UBR2: variants seen among roughly 807,000 people sequenced by gnomAD.
UBR2 encodes ubiquitin protein ligase E3 component n-recognin 2, also known as E3 ubiquitin-protein ligase UBR2.
In UBR2, 92 loss-of-function variants were observed where a neutral mutation model predicts 247.9. The observed-to-expected ratio is 0.37, with a 90% CI of 0.31 to 0.44. The LOEUF (loss-of-function observed/expected upper bound fraction) is 0.44. Ranked by LOEUF, UBR2 falls within the 20% of genes least tolerant of loss-of-function variation. UBR2 has a pLI of 1.00. For synonymous variants in UBR2, 672 were observed against 693.5 expected (o/e 0.97, Z 0.49); for missense variants, 1,613 against 2,112.6 (o/e 0.76, Z 4.64).
In UBR2 at chr6:42,691,144, C is replaced by T. The variant is rs775735507; in HGVS notation, c.5239C>T (p.Leu1747=). 1 of 1,614,164 alleles carries T rather than the reference C, an allele frequency of 6.2e-7. No homozygotes were observed. The highest frequency in any genetic ancestry group is 8.5e-7 in the Non-Finnish European group (1 of 1,180,032). The part of the protein sequence containing the change: ...IGHAQEANQT[L]VGIDWQHL ...ACATGCACAGGAAGCCAATCAGACA[C>T]TGGTTGGCATTGACTGGCAACATTT... is the stretch of plus-strand genomic sequence containing the variant. The change falls in exon 47 of 47, where the codon CTG becomes TTG. Residue 1747 remains leucine, a synonymous_variant. Transcript: ENST00000372901.
chr6:42,667,704 A>ATTT lies in UBR2; in HGVS notation c.3881+1472_3881+1474dup, dbSNP rs528646455. Reference sequence around the variant, plus strand: ...TTTTTCATGTACTTGTTTTCTATGTATTTTTTTTTTTTTTTCTGAATGGTG... The same window carrying ATTT: ...TTTTTCATGTACTTGTTTTCTATGTATTTTTTTTTTTTTTTTTTCTGAATGGTG... On this transcript the variant is annotated intron_variant, in intron 34 of 46. Transcript: ENST00000372901. 2.8e-3 allele frequency among the ~76,000 whole-genome samples: 200 copies of ATTT among 70,336 alleles called. 2 individuals carry two copies. Among genetic ancestry groups the ATTT allele is most frequent in the Middle Eastern group, 0.014 (1 of 74 alleles). 46.1% of individuals were successfully genotyped at this position (70,336 alleles called of 152,430 possible).
At chr6:42,572,567 T>A (rs1385105146) in intron 1 of UBR2, among the ~76,000 whole-genome samples, 1 of 152,094 alleles carries the variant, frequency 6.6e-6, no homozygotes, top group African/African-American at 2.4e-5. Context: ...AAGGAATACA[T>A]GTGCAGGTTT....
At chr6:42,674,491 T>C (rs1798612613) in intron 38 of UBR2, among the ~76,000 whole-genome samples, 1 of 152,148 alleles carries the variant, frequency 6.6e-6, no homozygotes, top group Non-Finnish European at 1.5e-5. Flanking sequence ...GGGTCAGGTG[T>C]GGTGACTCAT....
intron 39 of UBR2, 148 bp downstream of exon 39, chr6:42,676,339 A>G: frequency 1.1e-6 from 1 of 873,754 alleles, no homozygotes; most frequent in Non-Finnish European, 1.6e-6. Flanking sequence ...AAAAGTTTTG[A>G]AACATTTCTT....
chr6:42,620,959 C>G (rs1347480362), intron 11 of UBR2, among the ~76,000 whole-genome samples: 1 of 151,928 alleles, frequency 6.6e-6, no homozygotes, highest in Non-Finnish European at 1.5e-5. Context: ...CGTGTGTGAC[C>G]ATACCTGGCT....
chr6:42,614,432 G>A (rs1367187173), intron 8 of UBR2, among the ~76,000 whole-genome samples: 7 of 149,350 alleles, frequency 4.7e-5, no homozygotes, highest in Non-Finnish European at 7.4e-5. Context: ...ACATATATAT[G>A]TATGTACGTA....
chr6:42,606,744 C>A, intron 7 of UBR2, 93 bp downstream of exon 7: 1 of 1,025,334 alleles, frequency 9.8e-7, no homozygotes, highest in South Asian at 1.7e-5. Flanking sequence ...TCTGCTTTCT[C>A]AAATGAAAAC....
chr6:42,603,603 T>G lies in UBR2; in HGVS notation c.547T>G (p.Leu183Val). The change falls in exon 5 of 47, where the codon TTA (leucine) becomes GTA (valine). Residue 183 changes from leucine (L) to valine (V), a missense_variant. Leu to Val is a conservative substitution (Grantham distance 32). This residue lies in a region of UBR2 where 1,524 missense variants were observed against 1,967.3 expected (regional missense o/e 0.77). Transcript: ENST00000372901. ...TTTCTTTCAGGATCCTCTTGTTCAT[T>G]TATCAGAAGATGTGATAGCAAGAAC... ...IEEEEDPLVH[L>V]SEDVIARTYN... 1 of 1,573,998 alleles carries G rather than the reference T, an allele frequency of 6.4e-7. No homozygotes were observed. Among genetic ancestry groups the G allele is most frequent in the Non-Finnish European group, 8.5e-7 (1 of 1,169,862 alleles).
intron 10 of UBR2, 106 bp from the exon 11 acceptor site, chr6:42,617,303 G>A: frequency 6.2e-7 from 1 of 1,614,090 alleles, no homozygotes; most frequent in Non-Finnish European, 8.5e-7. Flanking sequence ...GTCGGTGACT[G>A]CTCTATCTGT....
At chr6:42,612,010 C>A (rs1318999079) in intron 7 of UBR2, among the ~76,000 whole-genome samples, 161 bp from the exon 8 acceptor site, 1 of 151,604 alleles carries the variant, frequency 6.6e-6, no homozygotes, top group African/African-American at 2.4e-5. Flanking sequence ...AAATTAGGAT[C>A]TGAATCAAGT....
At chr6:42,623,547 G>A (rs9367157) in intron 11 of UBR2, among the ~76,000 whole-genome samples, 37,243 of 151,908 alleles carry the variant, frequency 0.25, 4,940 homozygotes, top group East Asian at 0.46. Context: ...CGCCTTCCGG[G>A]TTCAAGCGAT....
At chr6:42,654,244 G>T (rs1797299273) in intron 25 of UBR2, among the ~76,000 whole-genome samples, 1 of 152,184 alleles carries the variant, frequency 6.6e-6, no homozygotes, top group Non-Finnish European at 1.5e-5. Context: ...TGTACTAGCT[G>T]TCGTGTACTG....
intron 2 of UBR2, among the ~76,000 whole-genome samples, chr6:42,578,522 A>T (rs559739732): frequency 6.6e-6 from 1 of 151,898 alleles, no homozygotes; most frequent in Non-Finnish European, 1.5e-5. Flanking sequence ...TTTTAGGGTG[A>T]TTTTTCCTCC....
intron 11 of UBR2, chr6:42,620,498 T>G (rs1794915759): frequency 1.1e-5 from 1 of 89,556 alleles, no homozygotes; most frequent in Non-Finnish European, 2.6e-5. Flanking sequence ...TTTTTTGTTT[T>G]TGTTTTTGTT....
intron 46 of UBR2, among the ~76,000 whole-genome samples, chr6:42,690,072 A>G (rs1345457284): frequency 6.6e-6 from 1 of 152,180 alleles, no homozygotes; most frequent in Non-Finnish European, 1.5e-5. Context: ...AATCTGGGGG[A>G]CAAAGATTTA....
chr6:42,686,896 C>T (rs1368142536), intron 44 of UBR2, among the ~76,000 whole-genome samples: 1 of 151,562 alleles, frequency 6.6e-6, no homozygotes, highest in Non-Finnish European at 1.5e-5. Context: ...GGGTCGCGGC[C>T]GGGCAGAGGC....
At chr6:42,679,880 C>T in intron 42 of UBR2, 48 bp downstream of exon 42, 1 of 1,376,764 alleles carries the variant, frequency 7.3e-7, no homozygotes, top group Non-Finnish European at 1.0e-6. Context: ...CTCTATGGAA[C>T]CAAACTTTAG....
intron 28 of UBR2, 58 bp downstream of exon 28, chr6:42,658,378 AAAAT>A: frequency 6.7e-7 from 1 of 1,483,012 alleles, no homozygotes. Context: ...CAGTATGAAC[AAAAT>A]AAATTTATCT....
chr6:42,605,955 A>G lies in UBR2; in HGVS notation c.801+96A>G, dbSNP rs1203859215. ...AATTGAGTTAAAGATATATATATCTAGGCTTTTCTTAAAATTTCATTTGTC... is the reference window on the plus strand; with the variant it reads ...AATTGAGTTAAAGATATATATATCTGGGCTTTTCTTAAAATTTCATTTGTC... On this transcript the variant is annotated intron_variant, in intron 6 of 46. Coordinates refer to ENST00000372901, the MANE Select transcript of UBR2 (RefSeq NM_001363705.2). 46 of 1,097,742 alleles carry G rather than the reference A, an allele frequency of 4.2e-5. No homozygotes were observed. The South Asian group carries it at 8.0e-4, about 19-fold the overall frequency. The allele number at this position is 1,097,742 out of a possible 1,614,324, so 68.0% of individuals were successfully genotyped here.
Sources: allele counts gnomAD v4.1 joint callset (sites outside exome capture counted in the v4.1 genomes callset), GRCh38; gene constraint gnomAD v4.1.1; regional missense constraint gnomAD v4.1.1; transcripts MANE v1.5; gene names NCBI Gene and HGNC (gene_info 2026-07-23, HGNC 2026-07-21).